RP1: variants seen among roughly 807,000 people sequenced by gnomAD.
RP1 encodes the protein oxygen-regulated protein 1.
RP1 carries 16 observed loss-of-function variants against 14.8 expected under a neutral mutation model. That is an observed-to-expected ratio of 1.08 (90% CI 0.73 to 1.65). RP1 has a LOEUF of 1.65. Ranked by LOEUF, RP1 falls within the 40% of genes most tolerant of loss-of-function variation. RP1 has a pLI of 0.00. For synonymous variants in RP1, 876 were observed against 883.6 expected (o/e 0.99, Z 0.15); for missense variants, 2,631 against 2,535.0 (o/e 1.04, Z -0.81).
In RP1 at chr8:54,630,175, A is replaced by T. The variant is rs1454735315; in HGVS notation, c.6293A>T (p.Glu2098Val). Residue 2098 changes from glutamate to valine, a missense_variant, in exon 4 of 4, where the codon GAA (glutamate) becomes GTA (valine). Physicochemically the swap from Glu to Val is moderately radical, Grantham distance 121 (BLOSUM62 -2). Coordinates refer to ENST00000220676, the MANE Select transcript of RP1 (RefSeq NM_006269.2). ...RENINCHYFF[E>V]MLGQACLLDI... ...AATATCAACTGTCATTACTTCTTTGAAATGCTTGGTCAAGCTTGCCTCTTA... is the reference window on the plus strand; with the variant it reads ...AATATCAACTGTCATTACTTCTTTGTAATGCTTGGTCAAGCTTGCCTCTTA... The T allele has an allele frequency of 6.2e-7, 1 of 1,613,654 alleles. No individual in the cohort carries two copies. Among genetic ancestry groups the T allele is most frequent in the Non-Finnish European group, 8.5e-7 (1 of 1,179,952 alleles).
intron 5 of RP1, among the ~76,000 whole-genome samples, chr8:54,653,872 T>C (rs1205024856): frequency 6.6e-6 from 1 of 152,188 alleles, no homozygotes; most frequent in African/African-American, 2.4e-5. Context: ...CTCAGTAAGG[T>C]AAACTAACAT....
At chr8:54,815,510 A>G (rs1431910672) in intron 24 of RP1, among the ~76,000 whole-genome samples, 2 of 152,236 alleles carry the variant, frequency 1.3e-5, no homozygotes, top group African/African-American at 4.8e-5. Context: ...CTTGGTAACA[A>G]TATTCCTTAC....
chr8:54,568,832 C>T (rs1034071752), intron 1 of RP1, among the ~76,000 whole-genome samples: 2 of 152,216 alleles, frequency 1.3e-5, no homozygotes, highest in African/African-American at 4.8e-5. Context: ...GCCTCCAGTT[C>T]CCTCATGAAT....
In RP1 at chr8:54,681,404, G is replaced by T. The variant is rs189365614; in HGVS notation, c.1717+1471G>T. 4.0e-5 allele frequency among the ~76,000 whole-genome samples: 6 copies of T among 151,754 alleles called. No individual in the cohort carries two copies. In the East Asian group the frequency reaches 1.2e-3, roughly 29 times the overall value. On this transcript the variant is annotated intron_variant, in intron 12 of 22. Transcript: ENST00000636932. ...TGAGGTCCCAATGGTACCAGCACAC[G>T]TAGTCAGGTACATTAAAAGAGAGAA...
At position 54,706,456 on chromosome 8, in the gene RP1, A is replaced by G. The variant is rs1448125957; in HGVS notation, c.2012A>G (p.Asn671Ser). The G allele has an allele frequency of 4.6e-6, 7 of 1,535,684 alleles. No homozygotes were observed. In the East Asian group the frequency reaches 9.8e-5, roughly 21 times the overall value. The change falls in exon 15 of 23, where the codon AAC becomes AGC. Residue 671 changes from asparagine to serine, a missense_variant. Coordinates refer to the RP1 transcript ENST00000636932. ...GTTGCTCTGAAGGGGGTGTTCCTCA[A>G]CAGTGCTGTGGTTCTGCTTGCTACA...
chr8:54,801,139 T>C (rs962285098), intron 24 of RP1, among the ~76,000 whole-genome samples: 6 of 152,206 alleles, frequency 3.9e-5, no homozygotes, highest in African/African-American at 1.4e-4. Flanking sequence ...GTTTAGGATA[T>C]AGTCTAATTT....
chr8:54,630,374 T>G lies in RP1; in HGVS notation c.*21T>G. ...TATAATTTCAATATCAGCACACTCA[T>G]TCTTTGTCAATTCATTTTTTCCCAT... On this transcript the variant is annotated 3_prime_UTR_variant, in exon 4 of 4. Transcript: ENST00000220676. The G allele has an allele frequency of 6.2e-7, 1 of 1,612,594 alleles. No individual in the cohort carries two copies. The highest frequency in any genetic ancestry group is 8.5e-7 in the Non-Finnish European group (1 of 1,179,244).
rs769378756 is a variant in RP1 at position 54,629,592 on chromosome 8, G to A, written c.5710G>A (p.Ala1904Thr). 1.1e-5 allele frequency: 18 copies of A among 1,613,834 alleles called. No individual in the cohort carries two copies. The highest frequency in any genetic ancestry group is 1.4e-5 in the Non-Finnish European group (16 of 1,179,992). Reference protein sequence around the residue: ...SNMIHGTLQEADSLDKLYALC... With the variant: ...SNMIHGTLQETDSLDKLYALC... ...TATGATTCATGGTACACTTCAGGAAGCTGACTCTTTGGATAAACTGTATGC... is the reference window on the plus strand; with the variant it reads ...TATGATTCATGGTACACTTCAGGAAACTGACTCTTTGGATAAACTGTATGC... The change falls in exon 4 of 4, where the codon GCT becomes ACT. Residue 1904 changes from alanine to threonine, a missense_variant. By Grantham distance (58) the Ala-to-Thr change is moderately conservative. Transcript: ENST00000220676.
chr8:54,817,905 G>C (rs1811172037), intron 24 of RP1, among the ~76,000 whole-genome samples: 1 of 152,154 alleles, frequency 6.6e-6, no homozygotes, highest in South Asian at 2.1e-4. Context: ...TTAATATGCA[G>C]CCTATTTCAT....
intron 26 of RP1, chr8:54,852,741 G>T: frequency 8.1e-7 from 1 of 1,231,634 alleles, no homozygotes; most frequent in Non-Finnish European, 1.0e-6. Flanking sequence ...AATAGAAACA[G>T]GTCTTCATCA....
At position 54,629,825 on chromosome 8, in the gene RP1, T is replaced by C. The variant is rs778325357; in HGVS notation, c.5943T>C (p.Ile1981=). Residue 1981 remains isoleucine (I), a synonymous_variant, in exon 4 of 4, where the codon ATT becomes ATC. Transcript: ENST00000220676. ...NNKASMRQNL[I]DNAIGDIFDQ... ...AAGCAAGTATGAGACAAAATCTTAT[T>C]GATAATGCCATTGGTGATATATTTG... The C allele has an allele frequency of 1.4e-5, 22 of 1,612,850 alleles. No homozygotes were observed. The highest frequency in any genetic ancestry group is 1.3e-4 in the South Asian group (12 of 90,718).
chr8:54,709,873 G>T (rs957120547), intron 15 of RP1, among the ~76,000 whole-genome samples: 1 of 152,108 alleles, frequency 6.6e-6, no homozygotes, highest in East Asian at 1.9e-4. Context: ...TATATGCTGG[G>T]GTGTTACTCA....
At chr8:54,812,798 T>TATCTATCTATC (rs1426380739) in intron 24 of RP1, among the ~76,000 whole-genome samples, 1 of 149,850 alleles carries the variant, frequency 6.7e-6, no homozygotes, top group East Asian at 1.9e-4. Flanking sequence ...TCTATCTATC[T>TATCTATCTATC]ATCTATCTAT....
At chr8:54,670,887 GATGT>G (rs1187818920) in intron 7 of RP1, among the ~76,000 whole-genome samples, 1 of 150,906 alleles carries the variant, frequency 6.6e-6, no homozygotes, top group African/African-American at 2.4e-5. Context: ...TATATACTGA[GATGT>G]ATGTATTGTT....
At chr8:54,810,583 T>C (rs1292225189) in intron 24 of RP1, among the ~76,000 whole-genome samples, 1 of 152,216 alleles carries the variant, frequency 6.6e-6, no homozygotes, top group Non-Finnish European at 1.5e-5. Context: ...CTGTTAACTA[T>C]TGTTCCCAAG....
At chr8:54,823,421 C>A (rs574498461) in intron 24 of RP1, among the ~76,000 whole-genome samples, 6 of 152,238 alleles carry the variant, frequency 3.9e-5, no homozygotes. Flanking sequence ...ACCTCTGCCT[C>A]CCAGGTTTAA....
intron 18 of RP1, among the ~76,000 whole-genome samples, chr8:54,737,253 T>C (rs937976359): frequency 1.3e-5 from 2 of 152,134 alleles, no homozygotes; most frequent in East Asian, 1.9e-4. Flanking sequence ...ACTGTGTGGA[T>C]TGGAAGGGAC....
At chr8:54,849,017 G>A (rs115108551) in intron 25 of RP1, among the ~76,000 whole-genome samples, 1,822 of 152,186 alleles carry the variant, frequency 0.012, 33 homozygotes, top group African/African-American at 0.04. Flanking sequence ...CCAAAGTCCC[G>A]GGATTACGGG....
chr8:54,616,928 T>C (rs75171590), intron 1 of RP1, among the ~76,000 whole-genome samples: 1 of 152,184 alleles, frequency 6.6e-6, no homozygotes, highest in African/African-American at 2.4e-5. Flanking sequence ...TGGGGTTTGA[T>C]TGAAACTAAT....
Sources: gnomAD v4.1 joint callset for allele counts (sites outside exome capture counted in the v4.1 genomes callset) on GRCh38, gnomAD v4.1.1 for gene constraint, MANE v1.5 for transcripts, NCBI Gene and HGNC (gene_info 2026-07-23, HGNC 2026-07-21) for gene names.